Variants in USP47 observed in about 807,000 individuals in gnomAD.
The protein encoded by USP47 is ubiquitin specific peptidase 47, also known as ubiquitin carboxyl-terminal hydrolase 47.
A neutral mutation model predicts 165.1 loss-of-function variants in USP47; 35 were observed. That is an observed-to-expected ratio of 0.21 (90% confidence interval 0.16 to 0.28). USP47 has a LOEUF of 0.28. USP47 is among the 10% of genes least tolerant of loss of function. USP47 has a pLI of 1.00. For synonymous variants in USP47, 531 were observed against 544.5 expected, an observed-to-expected ratio of 0.98 and a Z score of 0.35; for missense variants, 1,277 against 1,607.4, an observed-to-expected ratio of 0.79 and a Z score of 3.52.
chr11:11,919,950 T>C (rs1853707392), intron 8 of USP47, among the ~76,000 whole-genome samples: 1 of 151,842 alleles, frequency 6.6e-6, no homozygotes, highest in Admixed American at 6.6e-5. Context: ...AAGGCAAATC[T>C]TGTGTAGAAT....
At position 11,929,983 on chromosome 11, in the gene USP47, A is replaced by G; in HGVS notation, c.1519-61A>G. On this transcript the variant is annotated intron_variant, in intron 12 of 27. Transcript: ENST00000527733. ...TCTGAGGCTAAAGATTGAGTTACAT[A>G]TTGACGTTAATGTGATAGTGTTATA... The G allele has an allele frequency of 6.1e-6, 8 of 1,302,486 alleles. No homozygotes were observed. In the South Asian group the frequency reaches 8.4e-5, roughly 14 times the overall value. The allele number at this position is 1,302,486 out of a possible 1,614,324, so 80.7% of individuals were successfully genotyped here.
At chr11:11,845,488 G>A (rs1479241124) in intron 1 of USP47, among the ~76,000 whole-genome samples, 1 of 152,038 alleles carries the variant, frequency 6.6e-6, no homozygotes. Context: ...ACTAGATGGT[G>A]CTTGGCGACA....
chr11:11,915,526 T>C (rs1853350159), intron 8 of USP47, among the ~76,000 whole-genome samples: 1 of 152,140 alleles, frequency 6.6e-6, no homozygotes, highest in African/African-American at 2.4e-5. Flanking sequence ...AAAATCTGAA[T>C]TAGATAGGTG....
chr11:11,879,303 A>G (rs1452249447), intron 1 of USP47, among the ~76,000 whole-genome samples: 1 of 152,098 alleles, frequency 6.6e-6, no homozygotes, highest in African/African-American at 2.4e-5. Flanking sequence ...AGGACAAGGA[A>G]GATGCTCATT....
chr11:11,915,638 G>A (rs547936220), intron 8 of USP47, among the ~76,000 whole-genome samples: 1 of 151,932 alleles, frequency 6.6e-6, no homozygotes, highest in African/African-American at 2.4e-5. Context: ...TATTTCTTAC[G>A]ATTGCATATG....
intron 1 of USP47, among the ~76,000 whole-genome samples, chr11:11,876,768 G>C (rs1298603098): frequency 6.6e-6 from 1 of 152,176 alleles, no homozygotes. Context: ...ATGGTGGCTG[G>C]GTTATAAGAG....
At chr11:11,932,373 CT>C (rs1235387361) in intron 14 of USP47, among the ~76,000 whole-genome samples, 8 of 152,144 alleles carry the variant, frequency 5.3e-5, no homozygotes, top group African/African-American at 1.9e-4. Context: ...ATAATCATCA[CT>C]TTTTGTATTC....
intron 1 of USP47, among the ~76,000 whole-genome samples, chr11:11,847,033 A>T (rs899187825): frequency 5.9e-5 from 9 of 152,164 alleles, no homozygotes; most frequent in African/African-American, 2.2e-4. Flanking sequence ...TTAATGAATG[A>T]AAGCAAAAGC....
At chr11:11,943,371 T>G (rs979538103) in intron 20 of USP47, 17 of 260,952 alleles carry the variant, frequency 6.5e-5, no homozygotes, top group African/African-American at 3.8e-4. Flanking sequence ...ATATAATTAC[T>G]AAGTAAAAAA....
intron 13 of USP47, among the ~76,000 whole-genome samples, 199 bp downstream of exon 13, chr11:11,930,319 A>G (rs1590403471): frequency 6.6e-6 from 1 of 152,186 alleles, no homozygotes; most frequent in South Asian, 2.1e-4. Flanking sequence ...TAATGCTTTT[A>G]CACTATAATA....
chr11:11,915,249 T>C (rs1258782535), intron 8 of USP47, among the ~76,000 whole-genome samples: 1 of 152,220 alleles, frequency 6.6e-6, no homozygotes, highest in Admixed American at 6.5e-5. Flanking sequence ...TTACATACTT[T>C]ATGATTCCAT....
chr11:11,933,254 C>A (rs1011438358), intron 15 of USP47, 138 bp downstream of exon 15: 30 of 735,006 alleles, frequency 4.1e-5, no homozygotes, highest in Admixed American at 3.1e-4. Context: ...ACCAACTATA[C>A]TATAAAGGTA....
chr11:11,933,316 C>T (rs1333233150), intron 15 of USP47, among the ~76,000 whole-genome samples, 200 bp downstream of exon 15: 1 of 152,040 alleles, frequency 6.6e-6, no homozygotes, highest in Non-Finnish European at 1.5e-5. Flanking sequence ...AGTGACGGTG[C>T]TCAGTGCTGG....
At chr11:11,953,026 T>C (rs1460830354) in intron 25 of USP47, among the ~76,000 whole-genome samples, 155 bp downstream of exon 25, 10 of 152,320 alleles carry the variant, frequency 6.6e-5, no homozygotes, top group Admixed American at 6.5e-4. Flanking sequence ...ACCTTTCTTT[T>C]TGGTTTCTGT....
At chr11:11,930,791 T>C (rs578132768) in intron 14 of USP47, 40 bp downstream of exon 14, 2 of 1,526,576 alleles carry the variant, frequency 1.3e-6, no homozygotes, top group East Asian at 2.3e-5. Context: ...ATTTGTGTTA[T>C]AAACTAATTT....
rs1590288278 is a variant in USP47, at chr11:11,880,115, A to G, written c.40-62A>G. 4.4e-6 allele frequency: 5 copies of G among 1,130,674 alleles called. No individual in the cohort carries two copies. The East Asian group carries it at 1.4e-4, about 32-fold the overall frequency. The allele number at this position is 1,130,674 out of a possible 1,614,324, so 70.0% of individuals were successfully genotyped here. ...CATTTAATCATAAAATTTTATAGCTAATTATACTTTTGTTTTGCTTTAAAG... is the reference window on the plus strand; with the variant it reads ...CATTTAATCATAAAATTTTATAGCTGATTATACTTTTGTTTTGCTTTAAAG... On this transcript the variant is annotated intron_variant, in intron 1 of 27. Transcript: ENST00000527733.
chr11:11,949,569 G>C (rs1490896225), intron 22 of USP47, among the ~76,000 whole-genome samples: 1 of 152,020 alleles, frequency 6.6e-6, no homozygotes, highest in Non-Finnish European at 1.5e-5. Flanking sequence ...CCATAAAAGT[G>C]GTTCTTTTTG....
intron 8 of USP47, among the ~76,000 whole-genome samples, chr11:11,911,528 G>C (rs1490597324): frequency 6.6e-6 from 1 of 152,108 alleles, no homozygotes; most frequent in African/African-American, 2.4e-5. Context: ...CTGTTACATT[G>C]TAATAAAAGT....
Position 11,904,281 on chromosome 11 carries a change from C to T in USP47, c.819+939C>T, listed in dbSNP as rs557842825. On this transcript the variant is annotated intron_variant, in intron 7 of 27. Coordinates refer to ENST00000527733, the MANE Select transcript of USP47 (RefSeq NM_001282659.2). Reference sequence around the variant, plus strand: ...GAAGAAGACAATCACATATGACTGACGCTGATGAATGAAGAAGGCTTCATT... The same window carrying T: ...GAAGAAGACAATCACATATGACTGATGCTGATGAATGAAGAAGGCTTCATT... 5.3e-5 allele frequency among the ~76,000 whole-genome samples: 8 copies of T among 152,192 alleles called. No homozygotes were observed. The East Asian group carries it at 1.5e-3, about 29-fold the overall frequency.
Sources: allele counts gnomAD v4.1 joint callset (sites outside exome capture counted in the v4.1 genomes callset), GRCh38; gene constraint gnomAD v4.1.1; transcripts MANE v1.5; gene names NCBI Gene and HGNC (gene_info 2026-07-23, HGNC 2026-07-21).